Variants in COP1 observed in about 807,000 individuals in gnomAD.
COP1 encodes the protein E3 ubiquitin-protein ligase COP1.
In COP1, 24 loss-of-function variants were observed where a neutral mutation model predicts 101.3. The ratio of observed to expected loss-of-function variants is 0.24; its 90% CI spans 0.17 to 0.33. The LOEUF (loss-of-function observed/expected upper bound fraction) is 0.33. Among genes scored for constraint, COP1 ranks in the 10% least tolerant of loss-of-function variants. The pLI is 1.00. For synonymous variants in COP1, 347 were observed against 341.9 expected, an observed-to-expected ratio of 1.01 and a Z score of -0.17; for missense variants, 663 against 906.2, an observed-to-expected ratio of 0.73 and a Z score of 3.45.
rs886666082 is a variant in COP1 at position 176,207,286 on chromosome 1, C to G, written c.-308G>C. 1 of 383,014 alleles carries G rather than the reference C, an allele frequency of 2.6e-6. No individual in the cohort carries two copies. The highest frequency in any genetic ancestry group is 2.1e-5 in the African/African-American group (1 of 47,808). 23.7% of individuals were successfully genotyped at this position (383,014 alleles called of 1,614,324 possible). On this transcript the variant is annotated 5_prime_UTR_variant, in exon 1 of 20. Transcript: ENST00000367669. ...GGCCGGCCGTGCGCGCGCGCGCGAGCGGCGGAAGAGGCGGGCGTGGCGGGG... is the reference window on the plus strand; with the variant it reads ...GGCCGGCCGTGCGCGCGCGCGCGAGGGGCGGAAGAGGCGGGCGTGGCGGGG...
At chr1:176,198,388 A>T (rs1409038815) in intron 1 of COP1, among the ~76,000 whole-genome samples, 1 of 152,170 alleles carries the variant, frequency 6.6e-6, no homozygotes, top group Non-Finnish European at 1.5e-5. Flanking sequence ...AACAGAGATG[A>T]TCTTTTCAAC....
chr1:176,024,948 T>G (rs1471630134), intron 15 of COP1, among the ~76,000 whole-genome samples: 1 of 152,116 alleles, frequency 6.6e-6, no homozygotes, highest in Non-Finnish European at 1.5e-5. Context: ...TTAAAAAAGA[T>G]AAAATGAATA....
At chr1:176,200,088 C>A (rs1700113205) in intron 1 of COP1, among the ~76,000 whole-genome samples, 1 of 152,092 alleles carries the variant, frequency 6.6e-6, no homozygotes, top group Non-Finnish European at 1.5e-5. Flanking sequence ...GTAACTGAGA[C>A]AAGTTATATA....
chr1:175,981,417 T>G (rs1468817165), intron 18 of COP1, among the ~76,000 whole-genome samples: 2 of 152,032 alleles, frequency 1.3e-5, no homozygotes, highest in Non-Finnish European at 2.9e-5. Context: ...AAAGAATCTC[T>G]CTGGGGGAAA....
intron 1 of COP1, among the ~76,000 whole-genome samples, chr1:176,197,206 C>G (rs1260708287): frequency 6.6e-6 from 1 of 152,076 alleles, no homozygotes; most frequent in African/African-American, 2.4e-5. Context: ...GACACAACAA[C>G]AAGTGGCCCA....
intron 5 of COP1, among the ~76,000 whole-genome samples, chr1:176,156,907 A>G (rs1245850304): frequency 6.6e-6 from 1 of 152,162 alleles, no homozygotes; most frequent in Non-Finnish European, 1.5e-5. Flanking sequence ...AAATTTAATA[A>G]TATTAACTGG....
chr1:175,984,377 G>A (rs189553825), intron 18 of COP1, among the ~76,000 whole-genome samples: 137 of 152,324 alleles, frequency 9.0e-4, no homozygotes, highest in Middle Eastern at 6.8e-3. Flanking sequence ...TTGAGCCTGC[G>A]TGTGCACAGA....
At chr1:176,174,114 C>G (rs1696579507) in intron 3 of COP1, among the ~76,000 whole-genome samples, 1 of 149,080 alleles carries the variant, frequency 6.7e-6, no homozygotes, top group Admixed American at 6.7e-5. Context: ...TAGAAACTCA[C>G]AAAACAGAAT....
At chr1:176,056,689 TATTTAA>T (rs1438796358) in intron 11 of COP1, among the ~76,000 whole-genome samples, 2 of 152,320 alleles carry the variant, frequency 1.3e-5, no homozygotes, top group East Asian at 3.9e-4. Context: ...AAGTTTAGCC[TATTTAA>T]ATTTATCAAT....
At chr1:176,088,581 A>T (rs1680662132) in intron 9 of COP1, among the ~76,000 whole-genome samples, 1 of 152,220 alleles carries the variant, frequency 6.6e-6, no homozygotes, top group South Asian at 2.1e-4. Flanking sequence ...CATTTCAAAG[A>T]AGGCATAATA....
chr1:176,051,292 T>TA (rs574861788), intron 11 of COP1, among the ~76,000 whole-genome samples: 6 of 151,994 alleles, frequency 3.9e-5, no homozygotes, highest in Non-Finnish European at 7.4e-5. Context: ...ACCAAGATGT[T>TA]AAAAAAAACA....
chr1:175,993,411 TGA>T (rs1288657383), intron 15 of COP1, among the ~76,000 whole-genome samples: 1 of 152,194 alleles, frequency 6.6e-6, no homozygotes, highest in East Asian at 1.9e-4. Flanking sequence ...TTTGACGAGT[TGA>T]GAGAAGAAGG....
intron 17 of COP1, 92 bp downstream of exon 17, chr1:175,988,196 T>G: frequency 8.0e-7 from 1 of 1,246,860 alleles, no homozygotes; most frequent in Non-Finnish European, 1.1e-6. Flanking sequence ...CACAGACCAT[T>G]TCTTGACTTA....
intron 15 of COP1, among the ~76,000 whole-genome samples, chr1:176,005,128 G>C (rs1662792019): frequency 6.6e-6 from 1 of 152,144 alleles, no homozygotes; most frequent in African/African-American, 2.4e-5. Flanking sequence ...AGATTTTCTA[G>C]TTTATTTGTG....
chr1:176,102,898 C>T (rs539038858), intron 9 of COP1, among the ~76,000 whole-genome samples: 1 of 152,268 alleles, frequency 6.6e-6, no homozygotes, highest in African/African-American at 2.4e-5. Context: ...CTTCAATTCC[C>T]CATGATTTCA....
rs895040655 is a variant in COP1, at chr1:176,206,685, G to C, written c.294C>G (p.Gly98=). 1 of 1,607,416 alleles carries C rather than the reference G, an allele frequency of 6.2e-7. No individual in the cohort carries two copies. The highest frequency in any genetic ancestry group is 8.5e-7 in the Non-Finnish European group (1 of 1,179,604). The stretch of plus-strand genomic sequence containing the variant: ...CTAGGCTGGAGCTGCTGCCTCCTAC[G>C]CCGGCGCTGGGCCTGGCCGCGCAGC... ...RHSCAARPSA[G]VGGSSSSLGS... The change falls in exon 1 of 20, where the codon GGC becomes GGG. Residue 98 remains glycine (G), a synonymous_variant. Coordinates refer to ENST00000367669, the MANE Select transcript of COP1 (RefSeq NM_022457.7).
At position 176,162,981 on chromosome 1, in the gene COP1, T is replaced by A; in HGVS notation, c.650A>T (p.His217Leu). The A allele has an allele frequency of 1.9e-6, 3 of 1,596,660 alleles. No homozygotes were observed. The highest frequency in any genetic ancestry group is 2.6e-6 in the Non-Finnish European group (3 of 1,173,700). ...CCAATCTTGAAATATCTGCCACCTGTGGCCATTCTAAAAATGAAGAAAGAA... is the reference window on the plus strand; with the variant it reads ...CCAATCTTGAAATATCTGCCACCTGAGGCCATTCTAAAAATGAAGAAAGAA... ...LDHSVSSTNG[H>L]RWQIFQDWLG... Residue 217 changes from histidine to leucine, a missense_variant, in exon 5 of 20, where the codon CAC becomes CTC. His to Leu is a moderately conservative substitution (Grantham distance 99). Around this residue, in one of 4 missense-constraint regions of COP1, gnomAD observed 212 missense variants for 240.7 expected, o/e 0.88. Coordinates refer to ENST00000367669, the MANE Select transcript of COP1 (RefSeq NM_022457.7).
intron 8 of COP1, among the ~76,000 whole-genome samples, chr1:176,120,199 T>C (rs1243792931): frequency 2.6e-5 from 4 of 151,964 alleles, no homozygotes; most frequent in Non-Finnish European, 5.9e-5. Context: ...GGCAGGCGGA[T>C]CACCTGAGGT....
chr1:176,153,801 G>C (rs1693012062), intron 5 of COP1, among the ~76,000 whole-genome samples: 1 of 152,166 alleles, frequency 6.6e-6, no homozygotes, highest in South Asian at 2.1e-4. Context: ...ATATGAAGGA[G>C]GGCTGAATTT....
Sources: allele counts gnomAD v4.1 joint callset (sites outside exome capture counted in the v4.1 genomes callset), GRCh38; gene constraint gnomAD v4.1.1; regional missense constraint gnomAD v4.1.1; transcripts MANE v1.5; gene names NCBI Gene and HGNC (gene_info 2026-07-23, HGNC 2026-07-21).